The following TIPRL variants were observed in gnomAD, a reference collection of about 807,000 sequenced individuals.
The protein encoded by TIPRL is TIP41-like protein.
TIPRL carries 10 observed loss-of-function variants against 32.3 expected under a neutral mutation model. The observed-to-expected ratio is 0.31, with a 90% CI of 0.19 to 0.52. TIPRL has a LOEUF of 0.52. Ranked by LOEUF, TIPRL falls within the 20% of genes least tolerant of loss-of-function variation. The probability of loss-of-function intolerance (pLI) is 0.96; values close to 1 mark genes in which losing one functional copy is unlikely to be tolerated. For missense variants in TIPRL, 250 were observed against 328.1 expected, an observed-to-expected ratio of 0.76 and a Z score of 1.84; for synonymous variants, 100 against 114.0, an observed-to-expected ratio of 0.88 and a Z score of 0.78.
chr1:168,184,791 A>T lies in TIPRL; in HGVS notation c.297A>T (p.Glu99Asp), dbSNP rs1360666347. Residue 99 changes from glutamate to aspartate, a missense_variant, in exon 3 of 7, where the codon GAA (glutamate) becomes GAT (aspartate). Transcript: ENST00000367833. ...TTTGGTATTTGAGGACGGAGGGTGA[A>T]CACTCCAAAGAGGTTATTAAACCAT... ...EEWQESRTEG[E>D]HSKEVIKPYD... The T allele has an allele frequency of 6.2e-7, 1 of 1,610,992 alleles. No homozygotes were observed. Among genetic ancestry groups the T allele is most frequent in the African/African-American group, 1.3e-5 (1 of 74,852 alleles).
rs1699999129 is a variant in TIPRL at position 168,184,062 on chromosome 1, G to A, written c.265G>A (p.Glu89Lys). The A allele has an allele frequency of 2.5e-6, 4 of 1,609,180 alleles. No homozygotes were observed. The highest frequency in any genetic ancestry group is 3.4e-6 in the Non-Finnish European group (4 of 1,176,064). ...AGGAATGCTTAAAGTGGCCTGTGCTGAAGAGTGGCAAGAAAGCAGGTGAGA... is the reference window on the plus strand; with the variant it reads ...AGGAATGCTTAAAGTGGCCTGTGCTAAAGAGTGGCAAGAAAGCAGGTGAGA... Reference protein sequence around the residue: ...YQGMLKVACAEEWQESRTEGE... With the variant: ...YQGMLKVACAKEWQESRTEGE... Residue 89 changes from glutamate to lysine, a missense_variant, in exon 2 of 7, where the codon GAA becomes AAA. Glu to Lys is a moderately conservative substitution (Grantham distance 56, BLOSUM62 1). Transcript: ENST00000367833.
rs190663375 is a variant in TIPRL at position 168,180,289 on chromosome 1, T to C, written c.104+1108T>C. 1.7e-3 allele frequency among the ~76,000 whole-genome samples: 259 copies of C among 152,242 alleles called. 2 individuals are homozygous for C. Among genetic ancestry groups the C allele is most frequent in the Non-Finnish European group, 2.6e-3 (179 of 67,996 alleles). ...AAGATCTCTGGCTTGGATTTTTGCA[T>C]GTATCGTATGCCTTTGAACAAGATG... On this transcript the variant is annotated intron_variant, in intron 1 of 6. Transcript: ENST00000367833.
At position 168,179,199 on chromosome 1, in the gene TIPRL, G is replaced by A; in HGVS notation, c.104+18G>A. On this transcript the variant is annotated intron_variant, in intron 1 of 6. Coordinates refer to ENST00000367833, the MANE Select transcript of TIPRL (RefSeq NM_152902.5). Reference sequence around the variant, plus strand: ...GTGGAGAAGTGAGGCTTCGGGGCACGGGGTCTGGGCGCTGGCCGGTTGCTG... The same window carrying A: ...GTGGAGAAGTGAGGCTTCGGGGCACAGGGTCTGGGCGCTGGCCGGTTGCTG... The A allele has an allele frequency of 1.9e-6, 3 of 1,612,062 alleles. No homozygotes were observed. The highest frequency in any genetic ancestry group is 4.5e-5 in the East Asian group (2 of 44,810).
At chr1:168,181,874 A>C (rs1182781816) in intron 1 of TIPRL, among the ~76,000 whole-genome samples, 2 of 151,574 alleles carry the variant, frequency 1.3e-5, no homozygotes. Context: ...CTGCCTGGAC[A>C]ACATGGTGTA....
intron 2 of TIPRL, 96 bp from the exon 3 acceptor site, chr1:168,184,683 T>A (rs1700005802): frequency 1.3e-6 from 1 of 774,264 alleles, no homozygotes; most frequent in Non-Finnish European, 2.1e-6. Context: ...TTTAATAGGA[T>A]ATGTTATTAT....
At chr1:168,186,927 T>C in intron 3 of TIPRL, among the ~76,000 whole-genome samples, 1 of 152,230 alleles carries the variant, frequency 6.6e-6, no homozygotes, top group East Asian at 1.9e-4. Flanking sequence ...CAGAAATTTT[T>C]AGAGTCTCAT....
At chr1:168,186,197 G>A (rs1448875250) in intron 3 of TIPRL, among the ~76,000 whole-genome samples, 1 of 150,770 alleles carries the variant, frequency 6.6e-6, no homozygotes, top group Non-Finnish European at 1.5e-5. Context: ...TAGTATGACT[G>A]AAAGGAAGCA....
At chr1:168,190,669 A>T (rs1032848511) in intron 3 of TIPRL, among the ~76,000 whole-genome samples, 1 of 152,242 alleles carries the variant, frequency 6.6e-6, no homozygotes, top group South Asian at 2.1e-4. Context: ...AGAAAATAGT[A>T]TCACAATTCA....
chr1:168,180,570 T>C (rs1030692481), intron 1 of TIPRL, among the ~76,000 whole-genome samples: 5 of 152,156 alleles, frequency 3.3e-5, no homozygotes, highest in African/African-American at 1.2e-4. Context: ...GGTCATAAAA[T>C]AGAACCCTAA....
At chr1:168,194,135 T>A (rs79258739) in intron 4 of TIPRL, among the ~76,000 whole-genome samples, 1 of 152,050 alleles carries the variant, frequency 6.6e-6, no homozygotes, top group East Asian at 1.9e-4. Flanking sequence ...ATTTTTTTTT[T>A]ATTATCTATG....
At chr1:168,196,243 G>T (rs1267505289) in intron 4 of TIPRL, among the ~76,000 whole-genome samples, 1 of 151,992 alleles carries the variant, frequency 6.6e-6, no homozygotes, top group Non-Finnish European at 1.5e-5. Context: ...GCCATTTTTT[G>T]AAATAAACAT....
intron 3 of TIPRL, among the ~76,000 whole-genome samples, chr1:168,187,623 A>G (rs1700043350): frequency 6.6e-6 from 1 of 152,218 alleles, no homozygotes; most frequent in Non-Finnish European, 1.5e-5. Context: ...AGTCTTACTT[A>G]GCCTTGTTTC....
At chr1:168,181,777 G>A (rs1428479410) in intron 1 of TIPRL, among the ~76,000 whole-genome samples, 1 of 151,678 alleles carries the variant, frequency 6.6e-6, no homozygotes, top group Non-Finnish European at 1.5e-5. Context: ...AAATTTGCCT[G>A]AGGCCGGGTG....
intron 3 of TIPRL, among the ~76,000 whole-genome samples, chr1:168,187,044 T>C (rs557661588): frequency 1.3e-5 from 2 of 152,358 alleles, no homozygotes; most frequent in East Asian, 3.9e-4. Context: ...AAAAAACTCA[T>C]TCATTCATTC....
intron 5 of TIPRL, among the ~76,000 whole-genome samples, chr1:168,198,379 G>A (rs971048582): frequency 1.3e-5 from 2 of 151,956 alleles, no homozygotes; most frequent in African/African-American, 2.4e-5. Flanking sequence ...ATAAGTTGCT[G>A]TTCTAAAACC....
chr1:168,190,069 A>AT (rs1376261179), intron 3 of TIPRL, among the ~76,000 whole-genome samples: 1 of 152,240 alleles, frequency 6.6e-6, no homozygotes, highest in Non-Finnish European at 1.5e-5. Context: ...AAGTGTGTGT[A>AT]TTTAACACTA....
rs749788483 is a variant in TIPRL at position 168,179,067 on chromosome 1, C to T, written c.-11C>T. On this transcript the variant is annotated 5_prime_UTR_variant, in exon 1 of 7. Transcript: ENST00000367833. Reference sequence around the variant, plus strand: ...TTATTCCTTGTGGCCTCTGCGGGTCCTGCCTCAGCCATGATGATCCACGGC... The same window carrying T: ...TTATTCCTTGTGGCCTCTGCGGGTCTTGCCTCAGCCATGATGATCCACGGC... The T allele has an allele frequency of 6.2e-7, 1 of 1,613,108 alleles. No individual in the cohort carries two copies. The highest frequency in any genetic ancestry group is 2.2e-5 in the East Asian group (1 of 44,840).
At chr1:168,189,521 T>A (rs888022312) in intron 3 of TIPRL, among the ~76,000 whole-genome samples, 1 of 152,168 alleles carries the variant, frequency 6.6e-6, no homozygotes, top group African/African-American at 2.4e-5. Context: ...AGTTTTTGTA[T>A]TTTTAGTAGA....
intron 5 of TIPRL, 86 bp from the exon 6 acceptor site, chr1:168,198,833 A>G: frequency 8.3e-7 from 1 of 1,206,546 alleles, no homozygotes. Context: ...AACCTATCCT[A>G]AAATGTAGGC....
Sources: gnomAD v4.1 joint callset for allele counts (sites outside exome capture counted in the v4.1 genomes callset) on GRCh38, gnomAD v4.1.1 for gene constraint, MANE v1.5 for transcripts, NCBI Gene and HGNC (gene_info 2026-07-23, HGNC 2026-07-21) for gene names.